Variants in LRP1B observed in about 807,000 individuals in gnomAD.
LRP1B encodes the protein LDL receptor related protein 1B.
In LRP1B, 217 loss-of-function variants were observed where a neutral mutation model predicts 556.6. The observed-to-expected ratio is 0.39, with a 90% CI of 0.35 to 0.44. The LOEUF (loss-of-function observed/expected upper bound fraction) is 0.44. LRP1B is among the 20% of genes least tolerant of loss of function. The probability of loss-of-function intolerance (pLI) is 1.00; values close to 1 mark genes in which losing one functional copy is unlikely to be tolerated. For missense variants in LRP1B, 5,053 were observed against 5,620.8 expected (o/e 0.90, Z 3.23); for synonymous variants, 2,047 against 1,865.8 (o/e 1.10, Z -2.50).
intron 2 of LRP1B, among the ~76,000 whole-genome samples, chr2:141,500,478 G>C (rs1683675165): frequency 6.6e-6 from 1 of 152,052 alleles, no homozygotes; most frequent in Non-Finnish European, 1.5e-5. Flanking sequence ...TACCTACATA[G>C]TACTAGGTAC....
Position 140,270,321 on chromosome 2 carries a change from T to G in LRP1B, c.13168A>C (p.Ser4390Arg). 6.2e-7 allele frequency: 1 copy of G among 1,611,782 alleles called. No homozygotes were observed. The highest frequency in any genetic ancestry group is 8.5e-7 in the Non-Finnish European group (1 of 1,178,444). The change falls in exon 86 of 91, where the codon AGC becomes CGC. Residue 4390 changes from serine (S) to arginine (R), a missense_variant. This residue lies in a region of LRP1B where 551 missense variants were observed against 592.0 expected (regional missense o/e 0.93). Coordinates refer to ENST00000389484, the MANE Select transcript of LRP1B (RefSeq NM_018557.3). Reference protein sequence around the residue: ...CNCTNGKIASSCQLCDGYCYN... With the variant: ...CNCTNGKIASRCQLCDGYCYN... ...CAGTAGCCATCACATAACTGACAGC[T>G]AGAGGCAATCTTTCCATTAGTGCAG...
intron 3 of LRP1B, among the ~76,000 whole-genome samples, chr2:141,433,983 C>T (rs1321588099): frequency 1.3e-5 from 2 of 151,378 alleles, no homozygotes; most frequent in East Asian, 1.9e-4. Flanking sequence ...TTGGGGTTCT[C>T]TTTTACTTGA....
chr2:142,112,053 G>A (rs1044190500), intron 1 of LRP1B, among the ~76,000 whole-genome samples: 1 of 151,944 alleles, frequency 6.6e-6, no homozygotes, highest in East Asian at 1.9e-4. Context: ...TTACATCAAG[G>A]TGCCTTTCCA....
At chr2:142,050,179 CAG>C (rs1704405892) in intron 1 of LRP1B, among the ~76,000 whole-genome samples, 1 of 152,076 alleles carries the variant, frequency 6.6e-6, no homozygotes, top group Non-Finnish European at 1.5e-5. Context: ...TATACACACA[CAG>C]AGAGAAATTT....
At chr2:140,864,886 A>G (rs1041493876) in intron 27 of LRP1B, among the ~76,000 whole-genome samples, 4 of 152,066 alleles carry the variant, frequency 2.6e-5, no homozygotes, top group South Asian at 2.1e-4. Flanking sequence ...ATAATGTCCA[A>G]TAACACATTA....
At chr2:140,389,630 T>A (rs1433237382) in intron 66 of LRP1B, among the ~76,000 whole-genome samples, 2 of 150,098 alleles carry the variant, frequency 1.3e-5, no homozygotes, top group African/African-American at 2.4e-5. Context: ...GAATAATGCC[T>A]AAGAAATGCA....
intron 41 of LRP1B, among the ~76,000 whole-genome samples, chr2:140,607,347 AAC>A (rs1284949787): frequency 6.6e-6 from 1 of 152,090 alleles, no homozygotes; most frequent in Non-Finnish European, 1.5e-5. Context: ...CTCTTTGTAA[AAC>A]AGTCTGTCAG....
At chr2:140,655,032 G>GTGTATATATATA (rs767709816) in intron 41 of LRP1B, among the ~76,000 whole-genome samples, 1 of 147,094 alleles carries the variant, frequency 6.8e-6, no homozygotes, top group African/African-American at 2.5e-5. Flanking sequence ...GTATATGTAT[G>GTGTATATATATA]TATATATATA....
chr2:141,706,810 A>G (rs571973450), intron 2 of LRP1B, among the ~76,000 whole-genome samples: 1 of 152,228 alleles, frequency 6.6e-6, no homozygotes, highest in African/African-American at 2.4e-5. Flanking sequence ...TTCAAAATTC[A>G]TTACATCTAC....
intron 11 of LRP1B, among the ~76,000 whole-genome samples, chr2:141,030,928 T>C (rs1452451059): frequency 6.6e-6 from 1 of 151,968 alleles, no homozygotes. Flanking sequence ...TACACAATAT[T>C]GTTTTTCTTA....
intron 2 of LRP1B, among the ~76,000 whole-genome samples, chr2:141,694,646 CAA>C (rs202244154): frequency 2.3e-5 from 3 of 129,642 alleles, no homozygotes; most frequent in Admixed American, 7.8e-5. Flanking sequence ...TCGATTGTTT[CAA>C]AAAAAAAAAA....
intron 2 of LRP1B, among the ~76,000 whole-genome samples, chr2:141,512,216 A>G (rs1284591297): frequency 6.6e-6 from 1 of 152,174 alleles, no homozygotes; most frequent in Admixed American, 6.6e-5. Flanking sequence ...GCCATGTATT[A>G]TGAACTGCAC....
chr2:141,440,517 G>T (rs1021906439), intron 3 of LRP1B, among the ~76,000 whole-genome samples: 1 of 152,228 alleles, frequency 6.6e-6, no homozygotes, highest in Non-Finnish European at 1.5e-5. Flanking sequence ...AACAACATGC[G>T]AGGGCTGGGC....
At chr2:141,603,422 T>C (rs7597485) in intron 2 of LRP1B, among the ~76,000 whole-genome samples, 21,601 of 152,084 alleles carry the variant, frequency 0.14, 2,040 homozygotes, top group East Asian at 0.26. Context: ...CTTGTTCTCC[T>C]TGGAGATTTA....
intron 2 of LRP1B, among the ~76,000 whole-genome samples, chr2:141,611,123 A>C (rs995135848): frequency 3.9e-5 from 6 of 152,220 alleles, no homozygotes; most frequent in African/African-American, 1.4e-4. Flanking sequence ...TGAGAAATTC[A>C]CACAGTCCAC....
chr2:141,740,511 T>C (rs1003815182), intron 2 of LRP1B, among the ~76,000 whole-genome samples: 4 of 152,182 alleles, frequency 2.6e-5, no homozygotes, highest in South Asian at 2.1e-4. Flanking sequence ...TATTTTGATA[T>C]AGGCATGCAA....
intron 43 of LRP1B, among the ~76,000 whole-genome samples, chr2:140,592,634 A>G (rs1340538180): frequency 1.3e-5 from 2 of 152,094 alleles, no homozygotes; most frequent in African/African-American, 2.4e-5. Flanking sequence ...CAATAAAAGA[A>G]GACAGCGTAG....
chr2:141,647,703 G>GTTT (rs61107233), intron 2 of LRP1B, among the ~76,000 whole-genome samples: 24,332 of 145,246 alleles, frequency 0.17, 2,812 homozygotes, highest in African/African-American at 0.32. Context: ...TAACCTTCTA[G>GTTT]TTTTTTTTTT....
intron 37 of LRP1B, among the ~76,000 whole-genome samples, chr2:140,710,715 C>T (rs12464959): frequency 5.9e-5 from 9 of 151,992 alleles, no homozygotes; most frequent in Admixed American, 5.9e-4. Flanking sequence ...AAAAGGAATT[C>T]TTGGATGGAC....
Sources: allele counts gnomAD v4.1 joint callset (sites outside exome capture counted in the v4.1 genomes callset), GRCh38; gene constraint gnomAD v4.1.1; regional missense constraint gnomAD v4.1.1; transcripts MANE v1.5; gene names NCBI Gene and HGNC (gene_info 2026-07-23, HGNC 2026-07-21).